POSTN: variants seen among roughly 807,000 people sequenced by gnomAD.
POSTN encodes osteoblast specific factor 2 (fasciclin I-like).
A neutral mutation model predicts 104.5 loss-of-function variants in POSTN; 71 were observed. The ratio of observed to expected loss-of-function variants is 0.68; its 90% CI spans 0.56 to 0.83. The LOEUF is 0.83. Ranked by LOEUF, POSTN falls within the 40% of genes least tolerant of loss-of-function variation. The probability of loss-of-function intolerance (pLI) is 0.00; values close to 1 mark genes in which losing one functional copy is unlikely to be tolerated. For synonymous variants in POSTN, 355 were observed against 340.7 expected (o/e 1.04, Z -0.46); for missense variants, 949 against 1,006.8 (o/e 0.94, Z 0.78).
chr13:37,575,315 G>T (rs180673139), intron 16 of POSTN, among the ~76,000 whole-genome samples: 1 of 149,094 alleles, frequency 6.7e-6, no homozygotes, highest in Non-Finnish European at 1.5e-5. Context: ...TATTTTAAAC[G>T]TGTGTCGTCT....
At chr13:37,577,688 G>T (rs1950448476) in intron 16 of POSTN, 65 bp downstream of exon 16, 7 of 1,578,894 alleles carry the variant, frequency 4.4e-6, no homozygotes, top group Non-Finnish European at 6.0e-6. Context: ...TAAATACAAA[G>T]AAATGTATTG....
intron 1 of POSTN, among the ~76,000 whole-genome samples, chr13:37,597,604 G>A (rs9576314): frequency 0.29 from 44,697 of 151,908 alleles, 7,001 homozygotes; most frequent in Non-Finnish European, 0.35. Context: ...ACTTTTAATG[G>A]TAGATAATCT....
At chr13:37,576,393 G>A (rs1341246056) in intron 16 of POSTN, among the ~76,000 whole-genome samples, 2 of 152,114 alleles carry the variant, frequency 1.3e-5, no homozygotes, top group African/African-American at 4.8e-5. Flanking sequence ...GCTGTTTCAA[G>A]GCCTCTGGGT....
rs1440966085 is a variant in POSTN, at chr13:37,597,258, C to A, written c.144G>T (p.Gln48His). The A allele has an allele frequency of 6.3e-7, 1 of 1,585,216 alleles. No homozygotes were observed. Among genetic ancestry groups the A allele is most frequent in the Non-Finnish European group, 8.6e-7 (1 of 1,168,912 alleles). ...AGTATTTCTTTTTGGTGCCCAAAAT[C>A]TGTTGAAGGGCACAGACATTTGGGC... ...DQGPNVCALQQILGTKKKYFS... is the reference protein window; with the variant it reads ...DQGPNVCALQHILGTKKKYFS... The change falls in exon 2 of 23, where the codon CAG becomes CAT. Residue 48 changes from glutamine (Q) to histidine (H), a missense_variant. Gln to His is a conservative substitution (Grantham distance 24, BLOSUM62 0). Transcript: ENST00000379747.
chr13:37,583,035 A>G (rs1399904036), intron 9 of POSTN, among the ~76,000 whole-genome samples: 1 of 152,326 alleles, frequency 6.6e-6, no homozygotes, highest in South Asian at 2.1e-4. Context: ...TTTTTATATC[A>G]CAATTTAGCA....
Position 37,570,766 on chromosome 13 carries a change from A to G in POSTN, c.2180-97T>C. 6.6e-6 allele frequency: 5 copies of G among 761,216 alleles called. No individual in the cohort carries two copies. The South Asian group carries it at 8.6e-5, about 13-fold the overall frequency. 47.2% of individuals were successfully genotyped at this position (761,216 alleles called of 1,614,324 possible). Reference sequence around the variant, plus strand: ...TGTAATGATTAACTATATTTCTACAAATATTACCATTTAAGATTCAATCAT... The same window carrying G: ...TGTAATGATTAACTATATTTCTACAGATATTACCATTTAAGATTCAATCAT... On this transcript the variant is annotated intron_variant, in intron 18 of 22. Coordinates refer to ENST00000379747, the MANE Select transcript of POSTN (RefSeq NM_006475.3).
At chr13:37,593,560 T>A (rs1212179112) in intron 2 of POSTN, among the ~76,000 whole-genome samples, 1 of 151,390 alleles carries the variant, frequency 6.6e-6, no homozygotes, top group Non-Finnish European at 1.5e-5. Context: ...TTATGACAAT[T>A]ATAGATTAAT....
chr13:37,587,792 A>G, intron 5 of POSTN, 30 bp downstream of exon 5: 1 of 1,464,954 alleles, frequency 6.8e-7, no homozygotes, highest in Non-Finnish European at 9.3e-7. Flanking sequence ...GGTATTTTTC[A>G]TAAGTGTACT....
intron 21 of POSTN, chr13:37,565,549 CTA>C (rs1245189861): frequency 6.6e-6 from 1 of 151,880 alleles, no homozygotes; most frequent in Non-Finnish European, 1.5e-5. Context: ...ATAGTTTTGG[CTA>C]TATGACACCA....
chr13:37,591,750 T>C (rs1467883949), intron 3 of POSTN, among the ~76,000 whole-genome samples: 1 of 152,082 alleles, frequency 6.6e-6, no homozygotes. Context: ...TATTATAAAA[T>C]CAGAGCTGTT....
Position 37,563,292 on chromosome 13 carries a change from A to AC in POSTN, c.*40dup, listed in dbSNP as rs762690679. On this transcript the variant is annotated 3_prime_UTR_variant, in exon 23 of 23. Coordinates refer to ENST00000379747, the MANE Select transcript of POSTN (RefSeq NM_006475.3). ...ACAATTTTCTAAGGTCAGGTTATTG[A>AC]CTTAGGGTTGTATAAACATTTTTTT... 95 of 1,477,344 alleles carry AC rather than the reference A, an allele frequency of 6.4e-5. No homozygotes were observed. The highest frequency in any genetic ancestry group is 8.3e-5 in the Non-Finnish European group (89 of 1,069,292). The allele number at this position is 1,477,344 out of a possible 1,614,324, so 91.5% of individuals were successfully genotyped here.
intron 3 of POSTN, 41 bp from the exon 4 acceptor site, chr13:37,590,570 T>A: frequency 6.8e-7 from 1 of 1,473,112 alleles, no homozygotes; most frequent in Non-Finnish European, 9.2e-7. Flanking sequence ...GGGATAATAT[T>A]CTCAGGATAT....
rs1950743141 is a variant in POSTN, at chr13:37,586,287, C to T, written c.754-7G>A. The T allele has an allele frequency of 1.2e-6, 2 of 1,606,196 alleles. No homozygotes were observed. Among genetic ancestry groups the T allele is most frequent in the African/African-American group, 1.3e-5 (1 of 74,504 alleles). On this transcript the variant is annotated splice_polypyrimidine_tract_variant and splice_region_variant and intron_variant, in intron 6 of 22. Transcript: ENST00000379747. ...CCGATGTGATGGCAGCTGCCTGAAA[C>T]ACAAATGTGCTTTTCAGAGACTTTC...
In POSTN at chr13:37,583,996, G is replaced by C; in HGVS notation, c.1216C>G (p.Leu406Val). ...GAAAATGCATTATTCACAGGTGCCAGCAAAGTGTATTCTCCATCTGGCCTC... is the reference window on the plus strand; with the variant it reads ...GAAAATGCATTATTCACAGGTGCCACCAAAGTGTATTCTCCATCTGGCCTC... ...ALRPDGEYTL[L>V]APVNNAFSDD... Residue 406 changes from leucine to valine, a missense_variant, in exon 9 of 23, where the codon CTG becomes GTG. Physicochemically the swap from Leu to Val is conservative, Grantham distance 32. Transcript: ENST00000379747. 6.2e-7 allele frequency: 1 copy of C among 1,613,762 alleles called. No individual in the cohort carries two copies.
intron 4 of POSTN, among the ~76,000 whole-genome samples, chr13:37,589,281 T>G (rs898948106): frequency 6.6e-6 from 1 of 152,178 alleles, no homozygotes; most frequent in African/African-American, 2.4e-5. Context: ...CCATGATAAG[T>G]GCATTTAAAG....
In POSTN at chr13:37,587,829, G is replaced by A; in HGVS notation, c.599C>T (p.Pro200Leu). 1 of 1,593,178 alleles carries A rather than the reference G, an allele frequency of 6.3e-7. No homozygotes were observed. Among genetic ancestry groups the A allele is most frequent in the Non-Finnish European group, 8.6e-7 (1 of 1,163,700 alleles). Residue 200 changes from proline (P) to leucine (L), a missense_variant, in exon 5 of 23, where the codon CCT (proline) becomes CTT (leucine). By Grantham distance (98) the Pro-to-Leu change is moderately conservative. Coordinates refer to ENST00000379747, the MANE Select transcript of POSTN (RefSeq NM_006475.3). ...NNLGLFINHY[P>L]NGVVTVNCAR... ...TTTACTGATAAAACTTACCCCATTAGGATAATGGTTAATGAAAAGCCCCAA... is the reference window on the plus strand; with the variant it reads ...TTTACTGATAAAACTTACCCCATTAAGATAATGGTTAATGAAAAGCCCCAA...
Position 37,569,386 on chromosome 13 carries a change from G to A in POSTN, c.2348-3C>T, listed in dbSNP as rs1256365566. 4 of 1,604,914 alleles carry A rather than the reference G, an allele frequency of 2.5e-6. No homozygotes were observed. The highest frequency in any genetic ancestry group is 3.3e-5 in the Admixed American group (2 of 59,872). ...GAATTTGGTGACCTTGGTGACCTCT[G>A]AGAGGATACATGTTTATAGCAGAAA... is the stretch of plus-strand genomic sequence containing the variant. On this transcript the variant is annotated splice_region_variant and splice_polypyrimidine_tract_variant and intron_variant, in intron 20 of 22. Coordinates refer to ENST00000379747, the MANE Select transcript of POSTN (RefSeq NM_006475.3).
At chr13:37,583,945 G>C in intron 9 of POSTN, 24 bp downstream of exon 9, 1 of 1,595,580 alleles carries the variant, frequency 6.3e-7, no homozygotes, top group African/African-American at 1.3e-5. Context: ...GCAGAGAGCA[G>C]GAACAACAGT....
chr13:37,576,722 T>C lies in POSTN; in HGVS notation c.2008+1031A>G, dbSNP rs140414367. 8.4e-3 allele frequency among the ~76,000 whole-genome samples: 1,276 copies of C among 152,242 alleles called. 16 individuals are homozygous for C. The highest frequency in any genetic ancestry group is 0.029 in the African/African-American group (1,224 of 41,546). ...AGAAAACATATTTTTTACAAGATTG[T>C]ATTCCCATGGTGAATCATAACTATT... On this transcript the variant is annotated intron_variant, in intron 16 of 22. Coordinates refer to ENST00000379747, the MANE Select transcript of POSTN (RefSeq NM_006475.3).
Sources: allele counts gnomAD v4.1 joint callset (sites outside exome capture counted in the v4.1 genomes callset), GRCh38; gene constraint gnomAD v4.1.1; transcripts MANE v1.5; gene names NCBI Gene and HGNC (gene_info 2026-07-23, HGNC 2026-07-21).